Variants in AGT observed in about 807,000 individuals in gnomAD.
AGT encodes the protein alpha-1 antiproteinase, antitrypsin.
AGT carries 26 observed loss-of-function variants against 28.1 expected under a neutral mutation model. That is an observed-to-expected ratio of 0.92 (90% CI 0.68 to 1.28). AGT has a LOEUF of 1.28. AGT is among the 50% of genes most tolerant of loss of function. The probability of loss-of-function intolerance (pLI) is 0.00; values close to 1 mark genes in which losing one functional copy is unlikely to be tolerated. For synonymous variants in AGT, 259 were observed against 259.6 expected, an observed-to-expected ratio of 1.00 and a Z score of 0.02; for missense variants, 596 against 592.3, an observed-to-expected ratio of 1.01 and a Z score of -0.06.
upstream of AGT, among the ~76,000 whole-genome samples, chr1:230,718,711 G>A (rs553844386): frequency 4.8e-5 from 7 of 145,382 alleles, no homozygotes; most frequent in African/African-American, 1.8e-4. Context: ...AAGCGGCACA[G>A]TTCCACACCG....
At chr1:230,723,370 G>A (rs766662067) in intron 1 of AGT, among the ~76,000 whole-genome samples, 1 of 152,192 alleles carries the variant, frequency 6.6e-6, no homozygotes, top group Non-Finnish European at 1.5e-5. Flanking sequence ...TTCTTAAATA[G>A]CACAACCTTT....
rs113084447 is a variant in AGT at position 230,734,877 on chromosome 1, CT to C, written c.-31+10637del. Among the ~76,000 whole-genome samples the C allele has an allele frequency of 2.0e-3, 300 of 149,274 alleles. 2 individuals are homozygous for C. Among genetic ancestry groups the C allele is most frequent in the South Asian group, 8.0e-3 (37 of 4,646 alleles). On this transcript the variant is annotated intron_variant, in intron 1 of 4. Transcript: ENST00000681269. ...GGCGCCTGCCACCACGCCTGGCTAA[CT>C]TTTTTTTTTGTATGTTTAGTAGAGA...
At chr1:230,717,158 C>T (rs1296048926), upstream of AGT, among the ~76,000 whole-genome samples, 1 of 151,194 alleles carries the variant, frequency 6.6e-6, no homozygotes, top group African/African-American at 2.4e-5. Flanking sequence ...AACAACATCT[C>T]AGCAAAGCAA....
intron 1 of AGT, among the ~76,000 whole-genome samples, chr1:230,720,402 C>T (rs1663819325): frequency 6.6e-6 from 1 of 152,194 alleles, no homozygotes; most frequent in African/African-American, 2.4e-5. Context: ...ACCCCCTATT[C>T]CCTACCCCTT....
At chr1:230,715,521 T>C (rs1213087520), upstream of AGT, among the ~76,000 whole-genome samples, 1 of 152,144 alleles carries the variant, frequency 6.6e-6, no homozygotes, top group Non-Finnish European at 1.5e-5. Context: ...TCTAAATAAA[T>C]AGACAATTTT....
chr1:230,703,404 G>A (rs1663288022), intron 4 of AGT, 75 bp from the exon 5 acceptor site: 5 of 1,536,880 alleles, frequency 3.3e-6, no homozygotes, highest in Non-Finnish European at 4.5e-6. Flanking sequence ...TAGAGGGCCG[G>A]GGTGGGCTCA....
At chr1:230,740,726 G>A (rs1046722372) in intron 1 of AGT, among the ~76,000 whole-genome samples, 6 of 152,154 alleles carry the variant, frequency 3.9e-5, no homozygotes, top group Non-Finnish European at 8.8e-5. Flanking sequence ...TGAGGTGAGT[G>A]GATCATGAGG....
Position 230,702,918 on chromosome 1 carries a change from T to A in AGT, c.*223A>T. The A allele has an allele frequency of 3.5e-6, 2 of 576,780 alleles. No homozygotes were observed. Among genetic ancestry groups the A allele is most frequent in the East Asian group, 5.8e-5 (2 of 34,772 alleles). The allele number at this position is 576,780 out of a possible 1,614,324, so 35.7% of individuals were successfully genotyped here. ...AAAATAAACCCAGCAAACTGGGAGGTGCATTTGTGCCGCTGCAGGCTTCTA... is the reference window on the plus strand; with the variant it reads ...AAAATAAACCCAGCAAACTGGGAGGAGCATTTGTGCCGCTGCAGGCTTCTA... On this transcript the variant is annotated 3_prime_UTR_variant, in exon 5 of 5. Coordinates refer to ENST00000366667, the MANE Select transcript of AGT (RefSeq NM_001384479.1).
chr1:230,727,471 A>G (rs1267737810), intron 1 of AGT, among the ~76,000 whole-genome samples: 1 of 152,244 alleles, frequency 6.6e-6, no homozygotes, highest in African/African-American at 2.4e-5. Context: ...AATAGACTGC[A>G]GTTACAGAGG....
At position 230,702,725 on chromosome 1, in the gene AGT, C is replaced by T. The variant is rs1663267214; in HGVS notation, c.*416G>A. 1 of 227,366 alleles carries T rather than the reference C, an allele frequency of 4.4e-6. No individual in the cohort carries two copies. The highest frequency in any genetic ancestry group is 2.2e-5 in the African/African-American group (1 of 44,454). The allele number at this position is 227,366 out of a possible 1,614,324, so 14.1% of individuals were successfully genotyped here. On this transcript the variant is annotated 3_prime_UTR_variant, in exon 5 of 5. Coordinates refer to ENST00000366667, the MANE Select transcript of AGT (RefSeq NM_001384479.1). ...TTACATTCAAGACACTAAATACAAA[C>T]CGAAGGCAATGCAAAAATGTATACT...
intron 1 of AGT, among the ~76,000 whole-genome samples, chr1:230,722,218 G>A (rs1663859233): frequency 6.6e-6 from 1 of 152,266 alleles, no homozygotes; most frequent in South Asian, 2.1e-4. Flanking sequence ...TCCACATGGT[G>A]TTGGGCCTGT....
chr1:230,715,337 T>A (rs1346853478), upstream of AGT, among the ~76,000 whole-genome samples: 1 of 152,138 alleles, frequency 6.6e-6, no homozygotes, highest in African/African-American at 2.4e-5. Flanking sequence ...AAAAATCACT[T>A]GTCTGGGGCC....
At position 230,703,128 on chromosome 1, in the gene AGT, T is replaced by C. The variant is rs1181447324; in HGVS notation, c.*13A>G. 6.2e-7 allele frequency: 1 copy of C among 1,612,802 alleles called. No homozygotes were observed. The highest frequency in any genetic ancestry group is 8.5e-7 in the Non-Finnish European group (1 of 1,179,804). On this transcript the variant is annotated 3_prime_UTR_variant, in exon 5 of 5. Transcript: ENST00000366667. ...AGAGGCCTTGCCAGGCACTGTGTTC[T>C]GGGGCCCTGGCCTCATGCTGTGCTC...
At chr1:230,741,054 C>G (rs12409662) in intron 1 of AGT, among the ~76,000 whole-genome samples, 17,570 of 152,164 alleles carry the variant, frequency 0.12, 1,339 homozygotes, top group African/African-American at 0.21. Context: ...CCTCCAGCTC[C>G]TAGATGAGAA....
At chr1:230,726,773 T>C (rs149013115) in intron 1 of AGT, among the ~76,000 whole-genome samples, 1 of 152,066 alleles carries the variant, frequency 6.6e-6, no homozygotes, top group Non-Finnish European at 1.5e-5. Context: ...GGAATAACAC[T>C]TAAGTGCCAT....
At chr1:230,707,760 G>A (rs746765464) in intron 2 of AGT, among the ~76,000 whole-genome samples, 46 of 152,348 alleles carry the variant, frequency 3.0e-4, no homozygotes, top group African/African-American at 1.0e-3. Context: ...CCCAAAAGAC[G>A]CTGGGATTTG....
In AGT at chr1:230,710,159, G is replaced by T. The variant is rs745807948; in HGVS notation, c.665C>A (p.Thr222Asn). The T allele has an allele frequency of 6.8e-6, 11 of 1,614,018 alleles. No individual in the cohort carries two copies. Among genetic ancestry groups the T allele is most frequent in the Admixed American group, 6.7e-5 (4 of 60,012 alleles). ...CAGAGAGCGTGGGAGGACCACAGGG[G>T]TATAGAGAGCCAGGCCCTGCACAAA... ...QPFVQGLALY[T>N]PVVLPRSLDF... is the part of the protein sequence containing the mutation. The change falls in exon 2 of 5, where the codon ACC (threonine) becomes AAC (asparagine). Residue 222 changes from threonine to asparagine, a missense_variant. Thr to Asn is a moderately conservative substitution (Grantham distance 65, BLOSUM62 0). Transcript: ENST00000366667.
chr1:230,712,774 G>C (rs764071643), intron 1 of AGT, among the ~76,000 whole-genome samples: 16 of 152,212 alleles, frequency 1.1e-4, no homozygotes, highest in Non-Finnish European at 2.1e-4. Context: ...TGCTCCCTAG[G>C]CTGGTTCCAG....
chr1:230,744,979 G>A (rs1347191735), intron 1 of AGT, among the ~76,000 whole-genome samples: 1 of 152,176 alleles, frequency 6.6e-6, no homozygotes, highest in Non-Finnish European at 1.5e-5. Flanking sequence ...TGTCTCCCTA[G>A]GTTGCCCTCC....
Sources: gnomAD v4.1 joint callset for allele counts (sites outside exome capture counted in the v4.1 genomes callset) on GRCh38, gnomAD v4.1.1 for gene constraint, MANE v1.5 for transcripts, NCBI Gene and HGNC (gene_info 2026-07-23, HGNC 2026-07-21) for gene names.